Variants in GLI3 observed in about 807,000 individuals in gnomAD.
GLI3 encodes transcription activator GLI3.
GLI3 carries 20 observed loss-of-function variants against 100.8 expected under a neutral mutation model. The ratio of observed to expected loss-of-function variants is 0.20; its 90% CI spans 0.14 to 0.29. The LOEUF is 0.29. GLI3 is among the 10% of genes least tolerant of loss of function. The probability of loss-of-function intolerance (pLI) is 1.00; values close to 1 mark genes in which losing one functional copy is unlikely to be tolerated. For synonymous variants in GLI3, 938 were observed against 860.5 expected (o/e 1.09, Z -1.58); for missense variants, 2,040 against 2,128.5 (o/e 0.96, Z 0.82).
At chr7:41,969,878 C>T (rs1437509931) in intron 13 of GLI3, among the ~76,000 whole-genome samples, 3 of 152,186 alleles carry the variant, frequency 2.0e-5, no homozygotes, top group Admixed American at 6.5e-5. Context: ...TTAGTCAGTA[C>T]AATAATGAGT....
chr7:42,028,559 T>A (rs1270271977), intron 7 of GLI3, among the ~76,000 whole-genome samples: 1 of 151,554 alleles, frequency 6.6e-6, no homozygotes. Flanking sequence ...AGGTCAGGAG[T>A]TCGAGACAAG....
chr7:42,135,696 C>T (rs1447407955), intron 3 of GLI3, among the ~76,000 whole-genome samples: 4 of 152,230 alleles, frequency 2.6e-5, no homozygotes, highest in Non-Finnish European at 4.4e-5. Context: ...GCCCTGCTAT[C>T]TATACTCAGT....
rs775481654 is a variant in GLI3, at chr7:42,076,786, G to A, written c.439C>T (p.His147Tyr). ...GGAGGAATCGGAGATGGATCGTAAT[G>A]GTAACGGCCCTCATGATGTCTGGCA... The part of the protein sequence containing the change: ...IDARHHEGRY[H>Y]YDPSPIPPLH... The change falls in exon 4 of 15, where the codon CAT (histidine) becomes TAT (tyrosine). Residue 147 changes from histidine to tyrosine, a missense_variant. Coordinates refer to ENST00000395925, the MANE Select transcript of GLI3 (RefSeq NM_000168.6). The A allele has an allele frequency of 6.2e-7, 1 of 1,610,360 alleles. No individual in the cohort carries two copies. Among genetic ancestry groups the A allele is most frequent in the Non-Finnish European group, 8.5e-7 (1 of 1,176,630 alleles).
intron 5 of GLI3, among the ~76,000 whole-genome samples, chr7:42,047,498 A>G (rs1486994429): frequency 2.0e-5 from 3 of 152,206 alleles, no homozygotes; most frequent in African/African-American, 7.2e-5. Flanking sequence ...AAGAATTCAG[A>G]GCCTGCTACC....
intron 4 of GLI3, among the ~76,000 whole-genome samples, chr7:42,060,157 T>C (rs1234800799): frequency 6.6e-6 from 1 of 152,236 alleles, no homozygotes; most frequent in Non-Finnish European, 1.5e-5. Flanking sequence ...GACTGTCACA[T>C]GGTAAATTCT....
chr7:42,107,383 G>A (rs1247061362), intron 3 of GLI3, among the ~76,000 whole-genome samples: 1 of 152,140 alleles, frequency 6.6e-6, no homozygotes, highest in African/African-American at 2.4e-5. Context: ...CATCAGGGTA[G>A]CTAAAAAGAA....
chr7:42,250,185 G>A (rs188268962), intron 1 of GLI3, among the ~76,000 whole-genome samples: 4 of 152,074 alleles, frequency 2.6e-5, no homozygotes, highest in Non-Finnish European at 4.4e-5. Context: ...GTATGTGAAG[G>A]CTTACCCAAG....
At chr7:42,158,702 G>A (rs769272195) in intron 2 of GLI3, among the ~76,000 whole-genome samples, 1 of 152,038 alleles carries the variant, frequency 6.6e-6, no homozygotes, top group Non-Finnish European at 1.5e-5. Flanking sequence ...TGTTGGCCAG[G>A]CTGGTCTTGA....
In GLI3 at chr7:41,978,652, T is replaced by C. The variant is rs1385312144; in HGVS notation, c.1594A>G (p.Met532Val). The part of the protein sequence containing the change: ...REQKPFKAQY[M>V]LVVHMRRHTG... ...TGTCTTCTCATATGCACTACCAACA[T>C]ATACTGGGCTTTGAAGGGTTTCTGC... The change falls in exon 11 of 15, where the codon ATG (methionine) becomes GTG (valine). Residue 532 changes from methionine (M) to valine (V), a missense_variant. Physicochemically the swap from Met to Val is conservative, Grantham distance 21. Coordinates refer to ENST00000395925, the MANE Select transcript of GLI3 (RefSeq NM_000168.6). The C allele has an allele frequency of 6.2e-7, 1 of 1,613,942 alleles. No homozygotes were observed. The highest frequency in any genetic ancestry group is 1.3e-5 in the African/African-American group (1 of 74,908).
chr7:41,998,037 A>T (rs1430998387), intron 10 of GLI3, among the ~76,000 whole-genome samples: 2 of 152,068 alleles, frequency 1.3e-5, no homozygotes, highest in East Asian at 1.9e-4. Flanking sequence ...ATTTTAATTT[A>T]TTTTTTGCAA....
chr7:42,185,832 A>G (rs747645881), intron 2 of GLI3, among the ~76,000 whole-genome samples: 1 of 152,172 alleles, frequency 6.6e-6, no homozygotes, highest in Non-Finnish European at 1.5e-5. Context: ...TTGACCATTT[A>G]TACAAACACC....
intron 2 of GLI3, among the ~76,000 whole-genome samples, chr7:42,169,307 C>A (rs1787312946): frequency 6.6e-6 from 1 of 152,076 alleles, no homozygotes; most frequent in Admixed American, 6.6e-5. Flanking sequence ...ATCAAAAAAG[C>A]CGCCTCAAAC....
At position 42,182,636 on chromosome 7, in the gene GLI3, A is replaced by ATGTG. The variant is rs202080985; in HGVS notation, c.125-34172_125-34169dup. 6.8e-4 allele frequency among the ~76,000 whole-genome samples: 56 copies of ATGTG among 82,674 alleles called. 1 individual carries two copies. Among genetic ancestry groups the ATGTG allele is most frequent in the African/African-American group, 1.0e-3 (20 of 19,486 alleles). The allele number at this position is 82,674 out of a possible 152,430, so 54.2% of individuals were successfully genotyped here. A position where few individuals can be genotyped will look rare whatever the true frequency, so the allele number is the denominator to read the frequency against. On this transcript the variant is annotated intron_variant, in intron 2 of 14. Transcript: ENST00000395925. ...AACACATTTTTATATGCATATGTAT[A>ATGTG]TGTGTGTGTATATATATATATATAT... is the stretch of plus-strand genomic sequence containing the variant.
intron 4 of GLI3, among the ~76,000 whole-genome samples, chr7:42,072,431 C>G (rs564569728): frequency 2.0e-5 from 3 of 152,222 alleles, no homozygotes; most frequent in East Asian, 1.9e-4. Context: ...ATACACCATG[C>G]CTACTTTTAA....
At chr7:42,021,637 A>G (rs1306897230) in intron 10 of GLI3, among the ~76,000 whole-genome samples, 1 of 152,238 alleles carries the variant, frequency 6.6e-6, no homozygotes, top group Admixed American at 6.5e-5. Flanking sequence ...TTTTAAATGT[A>G]GACTTAGAAT....
At chr7:42,204,345 C>T (rs1468486835) in intron 2 of GLI3, among the ~76,000 whole-genome samples, 1 of 152,048 alleles carries the variant, frequency 6.6e-6, no homozygotes, top group Non-Finnish European at 1.5e-5. Context: ...ACTTACAATG[C>T]CTTTCTCCAG....
Position 42,154,623 on chromosome 7 carries a change from C to T in GLI3, c.125-6155G>A, listed in dbSNP as rs1049929643. Among the ~76,000 whole-genome samples, 76 of 152,186 alleles carry T rather than the reference C, an allele frequency of 5.0e-4. 1 individual carries two copies. The highest frequency in any genetic ancestry group is 2.4e-4 in the Non-Finnish European group (16 of 68,042). On this transcript the variant is annotated intron_variant, in intron 2 of 14. Transcript: ENST00000395925. ...CTCGCTCCCTGTTTCAGAATTCTCC[C>T]CAAGACTGACCAAAGAGAGATCAGA...
chr7:42,154,312 G>A (rs1015289916), intron 2 of GLI3, among the ~76,000 whole-genome samples: 2 of 152,038 alleles, frequency 1.3e-5, no homozygotes, highest in Admixed American at 1.3e-4. Context: ...GCCCCACTCA[G>A]CACTGCACAC....
chr7:42,237,822 C>T (rs1243303433), upstream of GLI3: 1 of 151,502 alleles, frequency 6.6e-6, no homozygotes, highest in Non-Finnish European at 1.5e-5. Context: ...GCCGGGAGCC[C>T]CCGCTTCTCC....
Sources: allele counts gnomAD v4.1 joint callset (sites outside exome capture counted in the v4.1 genomes callset), GRCh38; gene constraint gnomAD v4.1.1; transcripts MANE v1.5; gene names NCBI Gene and HGNC (gene_info 2026-07-23, HGNC 2026-07-21).